Variants in RNF13 observed in about 807,000 individuals in gnomAD.
The protein encoded by RNF13 is ring finger protein 13, also known as E3 ubiquitin-protein ligase RNF13.
In RNF13, 19 loss-of-function variants were observed where a neutral mutation model predicts 37.7. That is an observed-to-expected ratio of 0.50 (90% CI 0.35 to 0.74). The LOEUF (loss-of-function observed/expected upper bound fraction) is 0.74, where lower values mean the gene tolerates loss of function less well. RNF13 is among the 30% of genes least tolerant of loss of function. The pLI, the probability that RNF13 is intolerant of heterozygous loss-of-function variation, is 0.01. For synonymous variants in RNF13, 144 were observed against 157.8 expected (o/e 0.91, Z 0.65); for missense variants, 375 against 453.0 (o/e 0.83, Z 1.56).
At position 149,906,058 on chromosome 3, in the gene RNF13, A is replaced by G. The variant is rs532893408; in HGVS notation, c.500+3896A>G. 2.6e-5 allele frequency among the ~76,000 whole-genome samples: 4 copies of G among 152,240 alleles called. No individual in the cohort carries two copies. The South Asian group carries it at 8.3e-4, about 32-fold the overall frequency. On this transcript the variant is annotated intron_variant, in intron 6 of 9. Transcript: ENST00000392894. ...ACTTTCTGTCTTTATGGATTTGTCTATTCTGGTTATTTCACATGAATGGAA... is the reference window on the plus strand; with the variant it reads ...ACTTTCTGTCTTTATGGATTTGTCTGTTCTGGTTATTTCACATGAATGGAA...
intron 4 of RNF13, chr3:149,893,993 TTATAA>T (rs1157650194): frequency 1.3e-5 from 2 of 152,204 alleles, no homozygotes; most frequent in East Asian, 1.9e-4. Flanking sequence ...GTTTATAATG[TTATAA>T]TATGAGCTAT....
At position 149,960,062 on chromosome 3, in the gene RNF13, A is replaced by G; in HGVS notation, c.707A>G (p.Glu236Gly). The change falls in exon 9 of 10, where the codon GAG becomes GGG. Residue 236 changes from glutamate (E) to glycine (G), a missense_variant. Transcript: ENST00000392894. ...LPVHKFKKGD[E>G]YDVCAICLDE... ...ACATATTTTCTGTTTTCAGGAGATG[A>G]GTATGATGTATGTGCCATTTGTTTG... is the stretch of plus-strand genomic sequence containing the variant. 1 of 1,608,694 alleles carries G rather than the reference A, an allele frequency of 6.2e-7. No individual in the cohort carries two copies. The highest frequency in any genetic ancestry group is 1.1e-5 in the South Asian group (1 of 90,812).
At chr3:149,859,699 A>C (rs1724025557) in intron 3 of RNF13, among the ~76,000 whole-genome samples, 1 of 152,180 alleles carries the variant, frequency 6.6e-6, no homozygotes, top group Admixed American at 6.5e-5. Flanking sequence ...TCTCATTAGA[A>C]GAGTGATACA....
chr3:149,961,048 G>T lies in RNF13; in HGVS notation c.1090G>T (p.Val364Leu). Residue 364 changes from valine to leucine, a missense_variant, in exon 10 of 10, where the codon GTG (valine) becomes TTG (leucine). By Grantham distance (32) the Val-to-Leu change is conservative (BLOSUM62 1). Coordinates refer to ENST00000392894, the MANE Select transcript of RNF13 (RefSeq NM_183381.3). ...AAATGAAATTAATGAACATGATGTCGTGGTCCAGTTGCAGCCTAATGGTGA... is the reference window on the plus strand; with the variant it reads ...AAATGAAATTAATGAACATGATGTCTTGGTCCAGTTGCAGCCTAATGGTGA... ...AENEINEHDV[V>L]VQLQPNGERD... 6.2e-7 allele frequency: 1 copy of T among 1,613,990 alleles called. No individual in the cohort carries two copies. Among genetic ancestry groups the T allele is most frequent in the Non-Finnish European group, 8.5e-7 (1 of 1,179,870 alleles).
intron 8 of RNF13, among the ~76,000 whole-genome samples, chr3:149,944,683 G>A (rs1720599082): frequency 1.3e-5 from 2 of 152,120 alleles, no homozygotes; most frequent in South Asian, 2.1e-4. Context: ...AAATTTGTTG[G>A]AGTTCTTTGT....
At chr3:149,958,367 C>T (rs1722063782) in intron 8 of RNF13, among the ~76,000 whole-genome samples, 1 of 152,140 alleles carries the variant, frequency 6.6e-6, no homozygotes, top group Non-Finnish European at 1.5e-5. Flanking sequence ...CCCTTCTTCC[C>T]CCTATCTTCA....
At chr3:149,830,803 C>G (rs1444752144) in intron 1 of RNF13, among the ~76,000 whole-genome samples, 1 of 152,102 alleles carries the variant, frequency 6.6e-6, no homozygotes, top group Non-Finnish European at 1.5e-5. Context: ...TCATGGCAGC[C>G]CCTCCTATCA....
chr3:149,898,184 T>C (rs1449007898), intron 5 of RNF13, among the ~76,000 whole-genome samples: 1 of 152,190 alleles, frequency 6.6e-6, no homozygotes, highest in Non-Finnish European at 1.5e-5. Flanking sequence ...AGAAAACCCA[T>C]GCAATGGCAG....
chr3:149,847,213 A>G (rs1051415551), intron 2 of RNF13, among the ~76,000 whole-genome samples: 1 of 152,210 alleles, frequency 6.6e-6, no homozygotes, highest in Non-Finnish European at 1.5e-5. Flanking sequence ...GTTTATGATG[A>G]ATTTATCCAG....
In RNF13 at chr3:149,921,184, TA is replaced by T; in HGVS notation, c.660del (p.Asp221IlefsTer47). ...RHRARRNRLR[K>X]DQLKKLPVHK... ...ATAGAGCTAGAAGAAACAGACTTCG[TA>T]AAGATCAACTTAAGAAACTTCCTGT... On this transcript the variant is annotated frameshift_variant, in exon 8 of 10. Coordinates refer to ENST00000392894, the MANE Select transcript of RNF13 (RefSeq NM_183381.3). LOFTEE classifies it high-confidence loss of function. 7.0e-7 allele frequency: 1 copy of T among 1,432,924 alleles called. No homozygotes were observed. Among genetic ancestry groups the T allele is most frequent in the Admixed American group, 2.3e-5 (1 of 44,204 alleles). 88.8% of individuals were successfully genotyped at this position (1,432,924 alleles called of 1,614,324 possible).
At chr3:149,882,683 T>C (rs1713565837) in intron 4 of RNF13, among the ~76,000 whole-genome samples, 1 of 152,194 alleles carries the variant, frequency 6.6e-6, no homozygotes, top group South Asian at 2.1e-4. Context: ...TTACCTTTAC[T>C]AAGTGCAGGA....
At chr3:149,814,514 A>G (rs1409949353) in intron 1 of RNF13, among the ~76,000 whole-genome samples, 1 of 152,240 alleles carries the variant, frequency 6.6e-6, no homozygotes, top group Non-Finnish European at 1.5e-5. Context: ...TGCAGGGCCC[A>G]TAAGGATTCA....
At chr3:149,869,600 C>T (rs1025220193) in intron 3 of RNF13, among the ~76,000 whole-genome samples, 8 of 151,036 alleles carry the variant, frequency 5.3e-5, no homozygotes, top group African/African-American at 1.5e-4. Flanking sequence ...AGCGAGACTC[C>T]GCCTCAGAAA....
chr3:149,883,796 A>G (rs1348573672), intron 4 of RNF13, among the ~76,000 whole-genome samples: 1 of 151,898 alleles, frequency 6.6e-6, no homozygotes, highest in Non-Finnish European at 1.5e-5. Context: ...GCACGGATCA[A>G]CCCATCACCC....
chr3:149,917,969 A>G (rs987574655), intron 7 of RNF13, among the ~76,000 whole-genome samples: 34 of 152,200 alleles, frequency 2.2e-4, no homozygotes, highest in African/African-American at 7.7e-4. Flanking sequence ...ACAATCGTTA[A>G]TAATTTTCTG....
chr3:149,843,677 T>C (rs575630642), intron 1 of RNF13, among the ~76,000 whole-genome samples: 1 of 152,368 alleles, frequency 6.6e-6, no homozygotes, highest in Admixed American at 6.5e-5. Context: ...AGCTGTACTT[T>C]ACTCTTCGAA....
chr3:149,831,825 A>G (rs776017103), intron 1 of RNF13, among the ~76,000 whole-genome samples: 1 of 152,180 alleles, frequency 6.6e-6, no homozygotes, highest in Non-Finnish European at 1.5e-5. Context: ...GAATTCCTGG[A>G]AATCTTGATG....
At chr3:149,957,304 C>T (rs1721960568) in intron 8 of RNF13, among the ~76,000 whole-genome samples, 1 of 152,120 alleles carries the variant, frequency 6.6e-6, no homozygotes. Flanking sequence ...CTGCTTTCAT[C>T]CTTGCTTTCT....
At chr3:149,960,482 C>T (rs958899100) in intron 9 of RNF13, among the ~76,000 whole-genome samples, 12 of 151,936 alleles carry the variant, frequency 7.9e-5, no homozygotes, top group African/African-American at 2.7e-4. Context: ...TCCCCAGCTA[C>T]TAGGGAGGCT....
Sources: gnomAD v4.1 joint callset for allele counts (sites outside exome capture counted in the v4.1 genomes callset) on GRCh38, gnomAD v4.1.1 for gene constraint, MANE v1.5 for transcripts, NCBI Gene and HGNC (gene_info 2026-07-23, HGNC 2026-07-21) for gene names.